Variants in TPR observed in about 807,000 individuals in gnomAD.
The protein encoded by TPR is translocated promoter region, nuclear basket protein, also known as nucleoprotein TPR.
In TPR, 51 loss-of-function variants were observed where a neutral mutation model predicts 316.1. That is an observed-to-expected ratio of 0.16 (90% confidence interval 0.13 to 0.20). TPR has a LOEUF of 0.20. Among genes scored for constraint, TPR ranks in the 10% least tolerant of loss-of-function variants. The probability of loss-of-function intolerance (pLI) is 1.00; values close to 1 mark genes in which losing one functional copy is unlikely to be tolerated. For missense variants in TPR, 2,272 were observed against 2,754.8 expected (o/e 0.82, Z 3.92); for synonymous variants, 981 against 914.7 (o/e 1.07, Z -1.31).
At chr1:186,356,204 G>A in intron 15 of TPR, 82 bp downstream of exon 15, 1 of 1,229,248 alleles carries the variant, frequency 8.1e-7, no homozygotes, top group Non-Finnish European at 1.1e-6. Flanking sequence ...CATCATTAGA[G>A]TGGCTATTGC....
In TPR at chr1:186,313,530, TTC is replaced by T; in HGVS notation, c.*439_*440del. ...AGCTGAAAAGTCTAGGCAATTGTTT[TTC>T]TTTTTGTTATAAAGTTCAAATTAAT... is the stretch of plus-strand genomic sequence containing the variant. On this transcript the variant is annotated 3_prime_UTR_variant, in exon 51 of 51. Coordinates refer to ENST00000367478, the MANE Select transcript of TPR (RefSeq NM_003292.3). 1 of 583,404 alleles carries T rather than the reference TTC, an allele frequency of 1.7e-6. No homozygotes were observed. Among genetic ancestry groups the T allele is most frequent in the Non-Finnish European group, 3.0e-6 (1 of 331,358 alleles). The allele number at this position is 583,404 out of a possible 1,614,324, so 36.1% of individuals were successfully genotyped here.
At chr1:186,321,608 A>G (rs1405778713) in intron 45 of TPR, among the ~76,000 whole-genome samples, 2 of 152,228 alleles carry the variant, frequency 1.3e-5, no homozygotes, top group East Asian at 3.8e-4. Flanking sequence ...AATGCATGAA[A>G]ATGCTCAATA....
intron 2 of TPR, 95 bp from the exon 3 acceptor site, chr1:186,371,138 T>C (rs1292574699): frequency 2.1e-6 from 2 of 947,714 alleles, no homozygotes; most frequent in South Asian, 1.4e-5. Flanking sequence ...TTTTAATAAA[T>C]GAAAAAACAG....
chr1:186,357,223 C>A (rs556872993), intron 14 of TPR, among the ~76,000 whole-genome samples, 174 bp downstream of exon 14: 17 of 151,788 alleles, frequency 1.1e-4, no homozygotes, highest in Admixed American at 2.0e-4. Context: ...TAATTTTTTA[C>A]TTTTTTTTGA....
intron 26 of TPR, 140 bp downstream of exon 26, chr1:186,343,766 A>C (rs780958659): frequency 7.6e-5 from 69 of 912,826 alleles, no homozygotes; most frequent in Non-Finnish European, 1.1e-4. Context: ...GTAAATGTTA[A>C]AAGTTATGAG....
intron 36 of TPR, among the ~76,000 whole-genome samples, chr1:186,333,896 C>T (rs946822052): frequency 3.9e-5 from 6 of 152,118 alleles, no homozygotes; most frequent in African/African-American, 7.2e-5. Flanking sequence ...TGAACACCTA[C>T]TGTGGAGTTA....
intron 43 of TPR, chr1:186,322,832 C>A (rs1329960884): frequency 1.7e-5 from 8 of 467,756 alleles, no homozygotes; most frequent in Non-Finnish European, 2.7e-5. Flanking sequence ...TTAACCAATA[C>A]TTAAAACAGA....
chr1:186,345,531 A>C, intron 24 of TPR, 49 bp downstream of exon 24: 3 of 1,403,340 alleles, frequency 2.1e-6, no homozygotes, highest in Non-Finnish European at 3.0e-6. Context: ...TACTTCAAGA[A>C]TCATTCTCTA....
At chr1:186,332,049 T>G (rs958987232) in intron 38 of TPR, 146 bp downstream of exon 38, 3 of 776,836 alleles carry the variant, frequency 3.9e-6, no homozygotes, top group Non-Finnish European at 5.7e-6. Context: ...GGGTTGTCAG[T>G]GGAATCTTTG....
chr1:186,341,585 T>G, intron 27 of TPR, 196 bp from the exon 28 acceptor site: 1 of 516,174 alleles, frequency 1.9e-6, no homozygotes, highest in African/African-American at 1.9e-5. Flanking sequence ...ATACAAGAAT[T>G]ACAAAGACAA....
chr1:186,358,760 T>C, intron 12 of TPR, 110 bp from the exon 13 acceptor site: 2 of 804,030 alleles, frequency 2.5e-6, no homozygotes, highest in East Asian at 5.6e-5. Flanking sequence ...ATACACTAAA[T>C]AAAATCCTAC....
At chr1:186,362,644 T>G (rs1462144628) in intron 6 of TPR, among the ~76,000 whole-genome samples, 193 bp downstream of exon 6, 1 of 152,048 alleles carries the variant, frequency 6.6e-6, no homozygotes, top group Non-Finnish European at 1.5e-5. Flanking sequence ...CTAACCAGAT[T>G]TGACAAAGAA....
chr1:186,332,365 G>C (rs1658191490), intron 37 of TPR, 22 bp from the exon 38 acceptor site: 2 of 1,608,648 alleles, frequency 1.2e-6, no homozygotes, highest in Non-Finnish European at 1.7e-6. Flanking sequence ...TATAAATCTT[G>C]AATTAGAGCA....
At chr1:186,340,116 A>G (rs1558008193) in intron 29 of TPR, among the ~76,000 whole-genome samples, 2 of 152,254 alleles carry the variant, frequency 1.3e-5, no homozygotes, top group Non-Finnish European at 2.9e-5. Flanking sequence ...AGTGACATTT[A>G]CAAGAAAAAA....
chr1:186,356,371 C>G lies in TPR; in HGVS notation c.1803G>C (p.Met601Ile), dbSNP rs767837558. The G allele has an allele frequency of 2.5e-6, 4 of 1,613,742 alleles. No individual in the cohort carries two copies. The highest frequency in any genetic ancestry group is 1.6e-4 in the Middle Eastern group (1 of 6,084). The change falls in exon 15 of 51, where the codon ATG becomes ATC. Residue 601 changes from methionine to isoleucine, a missense_variant. Transcript: ENST00000367478. ...GACGAACTATGGAATCAACAAGCTG[C>G]ATTTGATGCTGTCGTGATTTGCGGA... ...EQLRKSRQHQ[M>I]QLVDSIVRQR...
chr1:186,346,582 T>C (rs1337704145), intron 22 of TPR, among the ~76,000 whole-genome samples: 2 of 152,154 alleles, frequency 1.3e-5, no homozygotes, highest in Non-Finnish European at 2.9e-5. Flanking sequence ...CCATCTATTC[T>C]ACAATCGAAA....
In TPR at chr1:186,356,818, G is replaced by A. The variant is rs567502116; in HGVS notation, c.1725-369C>T. 6.6e-4 allele frequency among the ~76,000 whole-genome samples: 100 copies of A among 152,172 alleles called. 1 individual carries two copies. The South Asian group carries it at 0.019, about 29-fold the overall frequency. ...GGTTCTCCAGGTTCTCCATGAAGCCGGTCTGCTCCCTGAAATCTAGGACAA... is the reference window on the plus strand; with the variant it reads ...GGTTCTCCAGGTTCTCCATGAAGCCAGTCTGCTCCCTGAAATCTAGGACAA... On this transcript the variant is annotated intron_variant, in intron 14 of 50. Coordinates refer to ENST00000367478, the MANE Select transcript of TPR (RefSeq NM_003292.3).
intron 11 of TPR, 113 bp from the exon 12 acceptor site, chr1:186,360,109 TATG>T: frequency 7.7e-7 from 1 of 1,305,458 alleles, no homozygotes; most frequent in Non-Finnish European, 1.1e-6. Flanking sequence ...CAATGTTTAC[TATG>T]TTAGTTACAC....
chr1:186,347,166 A>G lies in TPR; in HGVS notation c.2943+126T>C, dbSNP rs552053713. The G allele has an allele frequency of 1.2e-4, 121 of 992,994 alleles. 1 individual carries two copies. In the East Asian group the frequency reaches 1.9e-3, roughly 16 times the overall value. The allele number at this position is 992,994 out of a possible 1,614,324, so 61.5% of individuals were successfully genotyped here. A position where few individuals can be genotyped will look rare whatever the true frequency, so the allele number is the denominator to read the frequency against. ...TGGCTTATGAGACTCAAGTACTTTC[A>G]CAAGGTTAAAGGCAATGACCCTGGT... is the stretch of plus-strand genomic sequence containing the variant. On this transcript the variant is annotated intron_variant, in intron 22 of 50. Transcript: ENST00000367478.
Sources: gnomAD v4.1 joint callset for allele counts (sites outside exome capture counted in the v4.1 genomes callset) on GRCh38, gnomAD v4.1.1 for gene constraint, MANE v1.5 for transcripts, NCBI Gene and HGNC (gene_info 2026-07-23, HGNC 2026-07-21) for gene names.